The following HEMK2 variants were observed in gnomAD, a reference collection of about 807,000 sequenced individuals.
The protein encoded by HEMK2 is methyltransferase HEMK2.
At chr21:28,580,172 C>T in the HEMK2 span, among the ~76,000 whole-genome samples, 2 of 152,294 alleles carry the variant, frequency 1.3e-5, no homozygotes, top group South Asian at 4.1e-4. Context: ...TGGTGGGAAG[C>T]AGTGTCTGTA....
At chr21:28,881,550 GAGA>G in the HEMK2 span, among the ~76,000 whole-genome samples, 5 of 151,964 alleles carry the variant, frequency 3.3e-5, no homozygotes, top group Non-Finnish European at 7.4e-5. Context: ...AGCCACCAGA[GAGA>G]AGTTCAGAGA....
At chr21:28,710,194 CA>C in the HEMK2 span, among the ~76,000 whole-genome samples, 1 of 152,200 alleles carries the variant, frequency 6.6e-6, no homozygotes, top group East Asian at 1.9e-4. Flanking sequence ...AGATGCCTTT[CA>C]CTAAGTTAAT....
the HEMK2 span, chr21:28,872,770 A>T: frequency 6.6e-6 from 1 of 152,200 alleles, no homozygotes; most frequent in African/African-American, 2.4e-5. Flanking sequence ...GTCACAGCTC[A>T]AACAATGAGG....
At chr21:28,851,256 C>T in the HEMK2 span, among the ~76,000 whole-genome samples, 3 of 152,182 alleles carry the variant, frequency 2.0e-5, no homozygotes, top group Non-Finnish European at 2.9e-5. Flanking sequence ...AGGCTCCAAA[C>T]GGCATCCCTA....
At chr21:28,776,134 G>A in the HEMK2 span, among the ~76,000 whole-genome samples, 4 of 152,170 alleles carry the variant, frequency 2.6e-5, no homozygotes, top group Non-Finnish European at 5.9e-5. Context: ...GACAGGCAGC[G>A]TCAAGAAGAA....
At chr21:28,648,508 G>A in the HEMK2 span, among the ~76,000 whole-genome samples, 8 of 152,110 alleles carry the variant, frequency 5.3e-5, no homozygotes, top group Admixed American at 5.2e-4. Context: ...ACTAAACTTG[G>A]TGCCTCTCAC....
the HEMK2 span, among the ~76,000 whole-genome samples, chr21:28,703,860 T>C: frequency 1.3e-5 from 2 of 152,226 alleles, no homozygotes; most frequent in Non-Finnish European, 2.9e-5. Context: ...ACACTATATT[T>C]AATGAGGTGT....
the HEMK2 span, among the ~76,000 whole-genome samples, chr21:28,732,286 G>A: frequency 6.6e-6 from 1 of 152,242 alleles, no homozygotes; most frequent in South Asian, 2.1e-4. Flanking sequence ...AGTTCTATGT[G>A]TGCTGTCACA....
At chr21:28,714,682 T>C in the HEMK2 span, among the ~76,000 whole-genome samples, 1 of 152,220 alleles carries the variant, frequency 6.6e-6, no homozygotes, top group African/African-American at 2.4e-5. Context: ...TTGGGGTACA[T>C]GTGCAGGTTT....
the HEMK2 span, among the ~76,000 whole-genome samples, chr21:28,714,538 T>C: frequency 6.6e-6 from 1 of 152,154 alleles, no homozygotes; most frequent in Admixed American, 6.6e-5. Flanking sequence ...CAGATAACAC[T>C]TCAGGTTAAA....
the HEMK2 span, among the ~76,000 whole-genome samples, chr21:28,633,676 GTA>G: frequency 6.6e-6 from 1 of 152,120 alleles, no homozygotes; most frequent in African/African-American, 2.4e-5. Context: ...TCAACCTTCT[GTA>G]TATGACTTCG....
At chr21:28,805,364 G>C in the HEMK2 span, among the ~76,000 whole-genome samples, 1 of 152,164 alleles carries the variant, frequency 6.6e-6, no homozygotes, top group South Asian at 2.1e-4. Context: ...TTATATTATT[G>C]GTTATTATAT....
the HEMK2 span, among the ~76,000 whole-genome samples, chr21:28,813,678 T>C: frequency 1.3e-5 from 2 of 152,124 alleles, no homozygotes; most frequent in East Asian, 1.9e-4. Flanking sequence ...CTTCAAACTA[T>C]ACTACAAGGC....
chr21:28,766,709 T>G, the HEMK2 span, among the ~76,000 whole-genome samples: 4 of 152,052 alleles, frequency 2.6e-5, no homozygotes, highest in Admixed American at 6.6e-5. Flanking sequence ...TGCAACAACT[T>G]GAAGAGAGCT....
the HEMK2 span, among the ~76,000 whole-genome samples, chr21:28,661,128 T>A: frequency 6.6e-6 from 1 of 152,140 alleles, no homozygotes; most frequent in South Asian, 2.1e-4. Flanking sequence ...CCCAGGAGCT[T>A]ACCAACTTTA....
At chr21:28,766,476 C>A in the HEMK2 span, among the ~76,000 whole-genome samples, 3 of 151,912 alleles carry the variant, frequency 2.0e-5, no homozygotes, top group Non-Finnish European at 4.4e-5. Flanking sequence ...GTAGAACTAT[C>A]ATTTAATCCA....
At chr21:28,771,521 C>CCCCCCCCCCCCCCCCCCCCCA in the HEMK2 span, among the ~76,000 whole-genome samples, 1 of 131,474 alleles carries the variant, frequency 7.6e-6, no homozygotes, top group Admixed American at 7.7e-5. Flanking sequence ...ATGCACCACC[C>CCCCCCCCCCCCCCCCCCCCCA]CCCCCCGCCA....
the HEMK2 span, among the ~76,000 whole-genome samples, chr21:28,814,311 A>G: frequency 8.4e-5 from 2 of 23,894 alleles, no homozygotes; most frequent in Admixed American, 1.1e-3. Flanking sequence ...CATTCAGGAC[A>G]TAGGCATGAG....
chr21:28,682,494 C>T, the HEMK2 span, among the ~76,000 whole-genome samples: 7 of 151,592 alleles, frequency 4.6e-5, no homozygotes, highest in Admixed American at 2.0e-4. Context: ...GTCGGTGTGG[C>T]GATTCCTCAG....
Sources: gnomAD v4.1 joint callset for allele counts (sites outside exome capture counted in the v4.1 genomes callset) on GRCh38, gnomAD v4.1.1 for gene constraint, MANE v1.5 for transcripts, NCBI Gene and HGNC (gene_info 2026-07-23, HGNC 2026-07-21) for gene names.